UNC5D: variants seen among roughly 807,000 people sequenced by gnomAD.
UNC5D encodes netrin receptor UNC5D.
Under a neutral mutation model 105.4 loss-of-function variants are expected in UNC5D, and 39 were observed. The ratio of observed to expected loss-of-function variants is 0.37; its 90% confidence interval spans 0.29 to 0.48. The LOEUF is 0.48. UNC5D is among the 20% of genes least tolerant of loss of function. UNC5D has a pLI of 0.98. For missense variants in UNC5D, 991 were observed against 1,202.4 expected, an observed-to-expected ratio of 0.82 and a Z score of 2.60; for synonymous variants, 452 against 450.4, an observed-to-expected ratio of 1.00 and a Z score of -0.04.
At chr8:35,631,407 C>A (rs1238158683) in intron 4 of UNC5D, among the ~76,000 whole-genome samples, 1 of 152,154 alleles carries the variant, frequency 6.6e-6, no homozygotes, top group East Asian at 1.9e-4. Context: ...CAGAGTCACA[C>A]AGCTTGACAT....
At chr8:35,553,586 G>T (rs1418463789) in intron 2 of UNC5D, among the ~76,000 whole-genome samples, 1 of 152,128 alleles carries the variant, frequency 6.6e-6, no homozygotes. Flanking sequence ...TCCCTAAACA[G>T]TTTTCTTCTG....
In UNC5D at chr8:35,563,417, A is replaced by G. The variant is rs920354944; in HGVS notation, c.323-4681A>G. The stretch of plus-strand genomic sequence containing the variant: ...AAATTGCTTTCTTGATTTCTTTTTC[A>G]GATTATTCATCACTAACATATTTAA... On this transcript the variant is annotated intron_variant, in intron 2 of 16. Coordinates refer to ENST00000404895, the MANE Select transcript of UNC5D (RefSeq NM_080872.4). Among the ~76,000 whole-genome samples, 6 of 151,922 alleles carry G rather than the reference A, an allele frequency of 3.9e-5. No individual in the cohort carries two copies. In the East Asian group the frequency reaches 1.2e-3, roughly 29 times the overall value.
chr8:35,614,499 T>C (rs1473985623), intron 4 of UNC5D, among the ~76,000 whole-genome samples: 7 of 152,060 alleles, frequency 4.6e-5, no homozygotes, highest in Non-Finnish European at 8.8e-5. Flanking sequence ...AGACTGACAA[T>C]GAGGACCTTT....
intron 1 of UNC5D, among the ~76,000 whole-genome samples, chr8:35,504,791 G>A (rs1450441764): frequency 3.3e-5 from 5 of 151,990 alleles, no homozygotes; most frequent in Admixed American, 6.6e-5. Flanking sequence ...GCTGAGTTCC[G>A]CATCTGTTCA....
At chr8:35,328,225 T>A (rs1585594810) in intron 1 of UNC5D, among the ~76,000 whole-genome samples, 1 of 150,596 alleles carries the variant, frequency 6.6e-6, no homozygotes, top group Non-Finnish European at 1.5e-5. Context: ...ATTTACTTTA[T>A]TTTATTTATT....
chr8:35,578,920 T>G (rs1300439481), intron 3 of UNC5D, among the ~76,000 whole-genome samples: 1 of 152,202 alleles, frequency 6.6e-6, no homozygotes, highest in Non-Finnish European at 1.5e-5. Context: ...CCAACGATTA[T>G]TTTACCAAGA....
At chr8:35,285,657 C>T (rs1806540265) in intron 1 of UNC5D, among the ~76,000 whole-genome samples, 1 of 152,092 alleles carries the variant, frequency 6.6e-6, no homozygotes, top group Non-Finnish European at 1.5e-5. Context: ...GTAATCACTG[C>T]TGTATACAGG....
At chr8:35,498,384 C>G (rs1811748346) in intron 1 of UNC5D, among the ~76,000 whole-genome samples, 1 of 151,798 alleles carries the variant, frequency 6.6e-6, no homozygotes, top group African/African-American at 2.4e-5. Flanking sequence ...GAGATATGTG[C>G]AATGTAAATC....
intron 1 of UNC5D, among the ~76,000 whole-genome samples, chr8:35,540,402 C>A (rs891746727): frequency 6.6e-6 from 1 of 150,770 alleles, no homozygotes; most frequent in Non-Finnish European, 1.5e-5. Context: ...CTAAAATTGC[C>A]ATAGTTTATG....
At chr8:35,513,830 T>C (rs1440971157) in intron 1 of UNC5D, among the ~76,000 whole-genome samples, 2 of 152,190 alleles carry the variant, frequency 1.3e-5, no homozygotes, top group East Asian at 1.9e-4. Context: ...ATTAAACAGG[T>C]TCTTTTAAAA....
At chr8:35,430,203 A>G (rs1203099513) in intron 1 of UNC5D, among the ~76,000 whole-genome samples, 1 of 152,050 alleles carries the variant, frequency 6.6e-6, no homozygotes, top group Non-Finnish European at 1.5e-5. Flanking sequence ...GGTTATGTTG[A>G]TCACCAGTGG....
intron 1 of UNC5D, among the ~76,000 whole-genome samples, chr8:35,444,033 A>C (rs891302979): frequency 7.9e-5 from 12 of 152,032 alleles, no homozygotes; most frequent in Admixed American, 3.9e-4. Flanking sequence ...TATTTGACAG[A>C]TTATAACACA....
At chr8:35,761,059 G>A (rs1246752020) in intron 14 of UNC5D, among the ~76,000 whole-genome samples, 1 of 151,972 alleles carries the variant, frequency 6.6e-6, no homozygotes, top group Non-Finnish European at 1.5e-5. Context: ...GGGGCCAGGG[G>A]CACATTCACC....
chr8:35,365,011 A>T (rs1414557428), intron 1 of UNC5D, among the ~76,000 whole-genome samples: 1 of 152,136 alleles, frequency 6.6e-6, no homozygotes, highest in Non-Finnish European at 1.5e-5. Context: ...CATGCTATGC[A>T]TTTATAATAG....
intron 8 of UNC5D, among the ~76,000 whole-genome samples, chr8:35,713,094 A>T (rs1477865658): frequency 6.6e-6 from 1 of 152,058 alleles, no homozygotes; most frequent in Non-Finnish European, 1.5e-5. Context: ...TTATTCCAGC[A>T]TAAGTATATA....
intron 2 of UNC5D, among the ~76,000 whole-genome samples, chr8:35,557,212 T>G (rs983273): frequency 0.23 from 34,715 of 152,084 alleles, 6,110 homozygotes; most frequent in African/African-American, 0.48. Context: ...TTGCTTTCCT[T>G]TACCAGACAC....
rs574942286 is a variant in UNC5D, at chr8:35,736,860, C to T, written c.1766+5764C>T. Among the ~76,000 whole-genome samples, 9 of 152,258 alleles carry T rather than the reference C, an allele frequency of 5.9e-5. No homozygotes were observed. The South Asian group carries it at 1.7e-3, about 28-fold the overall frequency. On this transcript the variant is annotated intron_variant, in intron 11 of 16. Transcript: ENST00000404895. ...GAGGCTGAAGAAATAAGGACTAGAT[C>T]GTGTAGCGATGTTTGCCACCCAGAG...
intron 1 of UNC5D, among the ~76,000 whole-genome samples, chr8:35,302,886 CT>C (rs1808066215): frequency 6.6e-6 from 1 of 151,976 alleles, no homozygotes. Flanking sequence ...AGTTAATATC[CT>C]TGCATTTTAC....
chr8:35,717,926 C>T (rs974778041), intron 8 of UNC5D, among the ~76,000 whole-genome samples: 8 of 152,196 alleles, frequency 5.3e-5, no homozygotes, highest in Non-Finnish European at 1.0e-4. Context: ...AACCCACAAA[C>T]ATTTCCTCTC....
Sources: gnomAD v4.1 joint callset for allele counts (sites outside exome capture counted in the v4.1 genomes callset) on GRCh38, gnomAD v4.1.1 for gene constraint, MANE v1.5 for transcripts, NCBI Gene and HGNC (gene_info 2026-07-23, HGNC 2026-07-21) for gene names.